The following NR5A2 variants were observed in gnomAD, a reference collection of about 807,000 sequenced individuals.
NR5A2 encodes nuclear receptor subfamily 5 group A member 2.
NR5A2 carries 26 observed loss-of-function variants against 62.7 expected under a neutral mutation model. The ratio of observed to expected loss-of-function variants is 0.41; its 90% CI spans 0.30 to 0.58. NR5A2 has a LOEUF of 0.58. Ranked by LOEUF, NR5A2 falls within the 20% of genes least tolerant of loss-of-function variation. The pLI, the probability that NR5A2 is intolerant of heterozygous loss-of-function variation, is 0.22. For missense variants in NR5A2, 541 were observed against 669.1 expected, an observed-to-expected ratio of 0.81 and a Z score of 2.11; for synonymous variants, 246 against 241.7, an observed-to-expected ratio of 1.02 and a Z score of -0.16.
intron 7 of NR5A2, among the ~76,000 whole-genome samples, chr1:200,129,587 G>A (rs1666873044): frequency 6.6e-6 from 1 of 152,192 alleles, no homozygotes; most frequent in Non-Finnish European, 1.5e-5. Context: ...ACCATGCATA[G>A]CCTCTTCACC....
chr1:200,082,384 T>C (rs1409191735), intron 5 of NR5A2, among the ~76,000 whole-genome samples: 1 of 152,224 alleles, frequency 6.6e-6, no homozygotes, highest in Admixed American at 6.5e-5. Flanking sequence ...GCTGCTGTTA[T>C]GAGAAGAACA....
At chr1:200,035,838 AG>A (rs1157492249) in intron 1 of NR5A2, among the ~76,000 whole-genome samples, 3 of 152,104 alleles carry the variant, frequency 2.0e-5, no homozygotes, top group Non-Finnish European at 4.4e-5. Flanking sequence ...GTGGGGGAAA[AG>A]GAGAGAAGTT....
intron 5 of NR5A2, among the ~76,000 whole-genome samples, chr1:200,080,025 C>T (rs970594555): frequency 2.6e-5 from 4 of 152,160 alleles, no homozygotes; most frequent in Admixed American, 2.6e-4. Context: ...TACTGTTTTG[C>T]ACTCCCCAGG....
chr1:200,136,864 G>T (rs1167440738), intron 7 of NR5A2, among the ~76,000 whole-genome samples: 1 of 152,152 alleles, frequency 6.6e-6, no homozygotes, highest in Non-Finnish European at 1.5e-5. Flanking sequence ...TCTATTGATC[G>T]GTTTCAAGAA....
intron 5 of NR5A2, among the ~76,000 whole-genome samples, chr1:200,066,104 TG>T (rs1310118932): frequency 1.3e-5 from 2 of 151,958 alleles, no homozygotes; most frequent in Non-Finnish European, 2.9e-5. Context: ...TGGCTGCAGA[TG>T]GGAAAAAAGT....
chr1:200,156,714 T>G (rs1421479201), intron 7 of NR5A2, among the ~76,000 whole-genome samples: 2 of 152,132 alleles, frequency 1.3e-5, no homozygotes, highest in Non-Finnish European at 2.9e-5. Flanking sequence ...TTTTTTAGTT[T>G]CAGTACAGTA....
chr1:200,174,469 G>A lies in NR5A2; in HGVS notation c.*259G>A, dbSNP rs1056371499. ...CAGAGGATTCCATATAAAAGACATT[G>A]TAATGGAGTGGATTGAACTCACAGA... is the stretch of plus-strand genomic sequence containing the variant. On this transcript the variant is annotated 3_prime_UTR_variant, in exon 8 of 8. Coordinates refer to ENST00000367362, the MANE Select transcript of NR5A2 (RefSeq NM_205860.3). 7 of 276,044 alleles carry A rather than the reference G, an allele frequency of 2.5e-5. No homozygotes were observed. The highest frequency in any genetic ancestry group is 2.1e-4 in the Admixed American group (4 of 19,478). 17.1% of individuals were successfully genotyped at this position (276,044 alleles called of 1,614,324 possible).
At chr1:200,081,084 G>T (rs1164805855) in intron 5 of NR5A2, among the ~76,000 whole-genome samples, 2 of 152,174 alleles carry the variant, frequency 1.3e-5, no homozygotes, top group Non-Finnish European at 1.5e-5. Flanking sequence ...CAGTTACATT[G>T]AGTTGAATGA....
intron 5 of NR5A2, among the ~76,000 whole-genome samples, chr1:200,073,039 T>C (rs1290720412): frequency 6.6e-6 from 1 of 152,046 alleles, no homozygotes; most frequent in East Asian, 1.9e-4. Flanking sequence ...TTTACTTCCT[T>C]ACGAAAATCA....
At chr1:200,122,567 C>T (rs1183587328) in intron 7 of NR5A2, among the ~76,000 whole-genome samples, 1 of 152,072 alleles carries the variant, frequency 6.6e-6, no homozygotes, top group Non-Finnish European at 1.5e-5. Context: ...TCTGCTAATA[C>T]TATAAGGAGG....
intron 5 of NR5A2, among the ~76,000 whole-genome samples, chr1:200,055,455 CA>C (rs1162683205): frequency 6.6e-6 from 1 of 152,068 alleles, no homozygotes; most frequent in African/African-American, 2.4e-5. Context: ...CTCGGCATCC[CA>C]AAGTTTACAG....
At position 200,139,678 on chromosome 1, in the gene NR5A2, C is replaced by CTTTTG. The variant is rs143095818; in HGVS notation, c.1378+18742_1378+18746dup. On this transcript the variant is annotated intron_variant, in intron 7 of 7. Transcript: ENST00000367362. ...TTTTCAGCCATACATTTTCATTGTTCTTTTGTTTTGTTTTGTTTTGTTTCT... is the reference window on the plus strand; with the variant it reads ...TTTTCAGCCATACATTTTCATTGTTCTTTTGTTTTGTTTTGTTTTGTTTTGTTTCT... Among the ~76,000 whole-genome samples the CTTTTG allele has an allele frequency of 1.8e-3, 273 of 152,060 alleles. 5 individuals carry two copies. The highest frequency in any genetic ancestry group is 0.015 in the Admixed American group (226 of 15,278).
chr1:200,108,469 G>A (rs896369085), intron 5 of NR5A2, among the ~76,000 whole-genome samples: 1 of 152,008 alleles, frequency 6.6e-6, no homozygotes, highest in African/African-American at 2.4e-5. Context: ...CCTGCAAAAT[G>A]GGAATAATAA....
intron 7 of NR5A2, among the ~76,000 whole-genome samples, chr1:200,172,049 T>C (rs1654206758): frequency 6.6e-6 from 1 of 152,230 alleles, no homozygotes; most frequent in Admixed American, 6.5e-5. Context: ...CTACATCCTC[T>C]CTATTAATCT....
chr1:200,070,758 C>A (rs186230533), intron 5 of NR5A2, among the ~76,000 whole-genome samples: 1 of 146,378 alleles, frequency 6.8e-6, no homozygotes. Flanking sequence ...CAGCCCCATC[C>A]CCCCCACCAA....
chr1:200,062,257 G>GTGTGTGTGTGTGTGTGTGTA lies in NR5A2; in HGVS notation c.1110+13440_1110+13441insGTGTGTGTGTGTGTGTGTAT, dbSNP rs1490926111. On this transcript the variant is annotated intron_variant, in intron 5 of 7. Coordinates refer to ENST00000367362, the MANE Select transcript of NR5A2 (RefSeq NM_205860.3). ...TGTGTGTGTGTGTGTGTGTGTGTGT[G>GTGTGTGTGTGTGTGTGTGTA]TATCTGTGTCCATGTGTGTATCGCA... is the stretch of plus-strand genomic sequence containing the variant. Among the ~76,000 whole-genome samples the GTGTGTGTGTGTGTGTGTGTA allele has an allele frequency of 0.011, 1,638 of 151,480 alleles. 58 individuals are homozygous for GTGTGTGTGTGTGTGTGTGTA. The East Asian group carries it at 0.12, about 11-fold the overall frequency.
intron 5 of NR5A2, among the ~76,000 whole-genome samples, chr1:200,095,870 A>C (rs3790823): frequency 0.18 from 27,968 of 151,966 alleles, 2,772 homozygotes; most frequent in East Asian, 0.32. Context: ...ATATTTTTTA[A>C]AAAATTTTTT....
intron 5 of NR5A2, among the ~76,000 whole-genome samples, chr1:200,076,623 A>G (rs1664053612): frequency 6.6e-6 from 1 of 152,212 alleles, no homozygotes; most frequent in South Asian, 2.1e-4. Flanking sequence ...TGAGAATAGT[A>G]AATACCTTAC....
chr1:200,087,939 T>C (rs1004126974), intron 5 of NR5A2, among the ~76,000 whole-genome samples: 2 of 152,002 alleles, frequency 1.3e-5, no homozygotes, highest in Non-Finnish European at 2.9e-5. Flanking sequence ...TTTGAAGAGA[T>C]GGAGTTTCAC....
Sources: gnomAD v4.1 joint callset for allele counts (sites outside exome capture counted in the v4.1 genomes callset) on GRCh38, gnomAD v4.1.1 for gene constraint, MANE v1.5 for transcripts, NCBI Gene and HGNC (gene_info 2026-07-23, HGNC 2026-07-21) for gene names.